Variants in ANGPT1 observed in about 807,000 individuals in gnomAD.
The protein encoded by ANGPT1 is angiopoietin 1.
ANGPT1 carries 17 observed loss-of-function variants against 62.2 expected under a neutral mutation model. The ratio of observed to expected loss-of-function variants is 0.27; its 90% CI spans 0.19 to 0.41. The LOEUF (loss-of-function observed/expected upper bound fraction) is 0.41, where lower values mean the gene tolerates loss of function less well. Ranked by LOEUF, ANGPT1 falls within the 10% of genes least tolerant of loss-of-function variation. The pLI is 1.00. For missense variants in ANGPT1, 478 were observed against 594.9 expected, an observed-to-expected ratio of 0.80 and a Z score of 2.04; for synonymous variants, 199 against 198.9, an observed-to-expected ratio of 1.00 and a Z score of 0.00.
At chr8:107,306,642 G>C (rs1814724817) in intron 4 of ANGPT1, among the ~76,000 whole-genome samples, 1 of 152,046 alleles carries the variant, frequency 6.6e-6, no homozygotes, top group Non-Finnish European at 1.5e-5. Flanking sequence ...CCTGAACATT[G>C]CAAGTGTCAG....
At chr8:107,264,093 C>T (rs1392588567) in intron 8 of ANGPT1, 128 bp downstream of exon 8, 6 of 1,204,626 alleles carry the variant, frequency 5.0e-6, no homozygotes, top group Non-Finnish European at 6.6e-6. Context: ...GTGGGCAGAA[C>T]AAAATGATCT....
chr8:107,410,373 C>T (rs1371277976), intron 1 of ANGPT1, among the ~76,000 whole-genome samples: 2 of 152,160 alleles, frequency 1.3e-5, no homozygotes, highest in African/African-American at 4.8e-5. Context: ...GGTCCTAAGG[C>T]TCTGGAATGC....
chr8:107,439,739 A>T (rs1811424016), intron 1 of ANGPT1, among the ~76,000 whole-genome samples: 1 of 152,210 alleles, frequency 6.6e-6, no homozygotes, highest in Non-Finnish European at 1.5e-5. Context: ...GCTCAAAAGG[A>T]TTTGAATAAA....
At chr8:107,334,272 A>G (rs1815507692) in intron 3 of ANGPT1, among the ~76,000 whole-genome samples, 1 of 152,184 alleles carries the variant, frequency 6.6e-6, no homozygotes, top group Admixed American at 6.5e-5. Context: ...TTTCAGAAAT[A>G]AATCAGGTGG....
At chr8:107,295,777 T>C (rs534702940) in intron 5 of ANGPT1, among the ~76,000 whole-genome samples, 1 of 152,252 alleles carries the variant, frequency 6.6e-6, no homozygotes, top group Admixed American at 6.5e-5. Context: ...TTCGAGATGA[T>C]CTAGACCAAG....
At position 107,480,348 on chromosome 8, in the gene ANGPT1, T is replaced by A. The variant is rs547302970; in HGVS notation, c.297+16914A>T. Among the ~76,000 whole-genome samples, 3 of 152,298 alleles carry A rather than the reference T, an allele frequency of 2.0e-5. No individual in the cohort carries two copies. The South Asian group carries it at 6.2e-4, about 32-fold the overall frequency. Reference sequence around the variant, plus strand: ...AGGTATCTATTTAAAAGAGCCCTTATTAAAACAACATAAATTCTGCTAAAA... The same window carrying A: ...AGGTATCTATTTAAAAGAGCCCTTAATAAAACAACATAAATTCTGCTAAAA... On this transcript the variant is annotated intron_variant, in intron 1 of 8. Coordinates refer to ENST00000517746, the MANE Select transcript of ANGPT1 (RefSeq NM_001146.5).
chr8:107,472,881 A>G (rs1455702843), intron 1 of ANGPT1, among the ~76,000 whole-genome samples: 1 of 152,030 alleles, frequency 6.6e-6, no homozygotes. Context: ...TCTTTTTGTT[A>G]AAGAAGAAAA....
chr8:107,475,403 A>G (rs1392115286), intron 1 of ANGPT1, among the ~76,000 whole-genome samples: 4 of 152,172 alleles, frequency 2.6e-5, no homozygotes, highest in African/African-American at 9.7e-5. Context: ...CTGAAACAGG[A>G]CCCCTTCCTT....
intron 1 of ANGPT1, among the ~76,000 whole-genome samples, chr8:107,404,404 T>C (rs556304484): frequency 1.1e-4 from 16 of 152,288 alleles, no homozygotes; most frequent in Middle Eastern, 3.4e-3. Flanking sequence ...CACTGTTAAA[T>C]TTAAGATTTA....
At chr8:107,277,062 T>C (rs892625410) in intron 7 of ANGPT1, among the ~76,000 whole-genome samples, 1 of 152,214 alleles carries the variant, frequency 6.6e-6, no homozygotes, top group African/African-American at 2.4e-5. Context: ...ATGTGCATTA[T>C]AAATTATGTA....
At chr8:107,266,858 C>T (rs1329646048) in intron 7 of ANGPT1, among the ~76,000 whole-genome samples, 2 of 152,016 alleles carry the variant, frequency 1.3e-5, no homozygotes, top group African/African-American at 4.8e-5. Context: ...GATTTACAAT[C>T]TAAGTCTCAT....
At chr8:107,374,899 CG>C (rs1432743601) in intron 1 of ANGPT1, among the ~76,000 whole-genome samples, 4 of 152,148 alleles carry the variant, frequency 2.6e-5, no homozygotes, top group Non-Finnish European at 5.9e-5. Context: ...CGGTGGCTCA[CG>C]CCTGTAATCT....
chr8:107,460,040 C>T (rs1171443850), intron 1 of ANGPT1, among the ~76,000 whole-genome samples: 2 of 152,156 alleles, frequency 1.3e-5, no homozygotes, highest in African/African-American at 4.8e-5. Flanking sequence ...CACCATTTCA[C>T]TACTTGTTTT....
intron 1 of ANGPT1, among the ~76,000 whole-genome samples, chr8:107,383,839 T>C (rs1816683643): frequency 6.6e-6 from 1 of 152,136 alleles, no homozygotes; most frequent in South Asian, 2.1e-4. Context: ...TTGGAAAGCT[T>C]TTCAGGAGCT....
intron 1 of ANGPT1, among the ~76,000 whole-genome samples, chr8:107,384,041 G>T (rs996756421): frequency 5.9e-5 from 9 of 152,104 alleles, no homozygotes; most frequent in African/African-American, 2.2e-4. Context: ...AATTAAGGGT[G>T]TCAATAATCC....
rs1162343505 is a variant in ANGPT1, at chr8:107,320,916, G to C, written c.808+980C>G. Among the ~76,000 whole-genome samples the C allele has an allele frequency of 2.6e-5, 4 of 152,076 alleles. No homozygotes were observed. In the East Asian group the frequency reaches 7.7e-4, roughly 29 times the overall value. On this transcript the variant is annotated intron_variant, in intron 4 of 8. Coordinates refer to ENST00000517746, the MANE Select transcript of ANGPT1 (RefSeq NM_001146.5). Reference sequence around the variant, plus strand: ...AAAGGAGCCTCCCCATGTGTACATTGCATATGCTCACTGAACCACTTCATG... The same window carrying C: ...AAAGGAGCCTCCCCATGTGTACATTCCATATGCTCACTGAACCACTTCATG...
intron 1 of ANGPT1, among the ~76,000 whole-genome samples, chr8:107,393,469 T>C (rs1816873929): frequency 6.6e-6 from 1 of 152,144 alleles, no homozygotes; most frequent in South Asian, 2.1e-4. Flanking sequence ...CATACAAATT[T>C]AAAAAAATTT....
At chr8:107,373,960 C>T (rs1340428545) in intron 1 of ANGPT1, among the ~76,000 whole-genome samples, 5 of 152,200 alleles carry the variant, frequency 3.3e-5, no homozygotes, top group Non-Finnish European at 1.5e-5. Flanking sequence ...ATGCTTCTTT[C>T]TCCAGTGAAA....
intron 1 of ANGPT1, among the ~76,000 whole-genome samples, chr8:107,410,860 C>T (rs887579401): frequency 3.3e-5 from 5 of 152,072 alleles, no homozygotes; most frequent in African/African-American, 1.2e-4. Flanking sequence ...AAACTTTGCC[C>T]AGTTACCATT....
Sources: allele counts gnomAD v4.1 joint callset (sites outside exome capture counted in the v4.1 genomes callset), GRCh38; gene constraint gnomAD v4.1.1; transcripts MANE v1.5; gene names NCBI Gene and HGNC (gene_info 2026-07-23, HGNC 2026-07-21).